The following MEMO1 variants were observed in gnomAD, a reference collection of about 807,000 sequenced individuals.
The protein encoded by MEMO1 is protein MEMO1.
Under a neutral mutation model 45.2 loss-of-function variants are expected in MEMO1, and 6 were observed. The ratio of observed to expected loss-of-function variants is 0.13; its 90% confidence interval spans 0.07 to 0.26. The LOEUF (loss-of-function observed/expected upper bound fraction) is 0.26, where lower values mean the gene tolerates loss of function less well. Among genes scored for constraint, MEMO1 ranks in the 10% least tolerant of loss-of-function variants. MEMO1 has a pLI of 1.00. For synonymous variants in MEMO1, 78 were observed against 124.3 expected, an observed-to-expected ratio of 0.63 and a Z score of 2.48; for missense variants, 184 against 370.5, an observed-to-expected ratio of 0.50 and a Z score of 4.13.
chr2:31,920,515 T>A (rs549114676), intron 5 of MEMO1, among the ~76,000 whole-genome samples: 170 of 152,312 alleles, frequency 1.1e-3, no homozygotes, highest in Non-Finnish European at 1.6e-3. Context: ...TTTTGTCTCC[T>A]GGTACACTGA....
chr2:31,897,874 T>A (rs867393035), intron 6 of MEMO1, among the ~76,000 whole-genome samples: 12 of 152,004 alleles, frequency 7.9e-5, no homozygotes, highest in Admixed American at 2.6e-4. Context: ...AGGCTATTAA[T>A]TACTCCCTCA....
chr2:31,930,446 C>G (rs1664006419), intron 4 of MEMO1, among the ~76,000 whole-genome samples: 1 of 152,092 alleles, frequency 6.6e-6, no homozygotes, highest in Non-Finnish European at 1.5e-5. Flanking sequence ...CTTTCCACTT[C>G]TATGAACATA....
At chr2:31,934,195 C>G (rs1273001748) in intron 3 of MEMO1, among the ~76,000 whole-genome samples, 1 of 152,160 alleles carries the variant, frequency 6.6e-6, no homozygotes, top group East Asian at 1.9e-4. Context: ...CCTTCACTTC[C>G]TAATCCTTAC....
At chr2:31,998,787 G>A (rs1470518647) in intron 2 of MEMO1, among the ~76,000 whole-genome samples, 1 of 150,232 alleles carries the variant, frequency 6.7e-6, no homozygotes, top group African/African-American at 2.5e-5. Context: ...GAGACAATGT[G>A]AGACTCCGTC....
chr2:31,912,849 A>G (rs919586481), intron 6 of MEMO1, among the ~76,000 whole-genome samples: 1 of 152,222 alleles, frequency 6.6e-6, no homozygotes, highest in Non-Finnish European at 1.5e-5. Context: ...GACTCTATTT[A>G]CATTTTCTAA....
intron 2 of MEMO1, among the ~76,000 whole-genome samples, chr2:31,986,397 G>A (rs369198462): frequency 5.3e-5 from 8 of 152,208 alleles, no homozygotes; most frequent in East Asian, 1.9e-4. Context: ...GCATGAACCC[G>A]GAAGGCGGAG....
At chr2:31,973,553 A>G (rs1183863505) in intron 2 of MEMO1, among the ~76,000 whole-genome samples, 6 of 152,210 alleles carry the variant, frequency 3.9e-5, no homozygotes, top group African/African-American at 1.4e-4. Context: ...CAAAAGGTGG[A>G]ACAGTCTTTT....
intron 2 of MEMO1, among the ~76,000 whole-genome samples, chr2:31,955,145 G>T (rs1211402793): frequency 6.6e-6 from 1 of 151,814 alleles, no homozygotes; most frequent in Non-Finnish European, 1.5e-5. Context: ...GCTGAGGCAG[G>T]AAGATCGCTT....
chr2:31,974,371 C>T (rs970454511), intron 2 of MEMO1, among the ~76,000 whole-genome samples: 1 of 152,140 alleles, frequency 6.6e-6, no homozygotes, highest in African/African-American at 2.4e-5. Flanking sequence ...AGGTACTTAT[C>T]CCTGACAAGA....
intron 8 of MEMO1, among the ~76,000 whole-genome samples, chr2:31,870,995 C>A (rs1463347330): frequency 6.6e-6 from 1 of 152,196 alleles, no homozygotes; most frequent in Non-Finnish European, 1.5e-5. Flanking sequence ...ATTTGTTAGA[C>A]TATTGTTAAA....
chr2:31,933,233 T>C (rs1334380211), intron 3 of MEMO1, among the ~76,000 whole-genome samples: 1 of 144,986 alleles, frequency 6.9e-6, no homozygotes, highest in Non-Finnish European at 1.5e-5. Context: ...GGCAGGAGGA[T>C]TGCTTAAGCC....
chr2:31,872,045 A>ACACACACACACACACACACACAC (rs1553355618), intron 8 of MEMO1, among the ~76,000 whole-genome samples: 1 of 151,816 alleles, frequency 6.6e-6, no homozygotes, highest in Admixed American at 6.6e-5. Flanking sequence ...ACACACACAC[A>ACACACACACACACACACACACAC]AAGTTAAACC....
rs1314118856 is a variant in MEMO1, at chr2:31,969,576, TGTGTGTGTGG to T, written c.62-26203_62-26194del. On this transcript the variant is annotated intron_variant, in intron 2 of 9. Coordinates refer to ENST00000404530, the MANE Select transcript of MEMO1 (RefSeq NM_001301833.4). The stretch of plus-strand genomic sequence containing the variant: ...ATACTTTCTAAATCTTTTCTGGGGG[TGTGTGTGTGG>T]GTGTGTGTGTGTGTGTGTGTGTGTG... Among the ~76,000 whole-genome samples the T allele has an allele frequency of 3.2e-3, 334 of 103,716 alleles. 2 individuals are homozygous for T. Among genetic ancestry groups the T allele is most frequent in the African/African-American group, 0.011 (277 of 25,874 alleles). 68.0% of individuals were successfully genotyped at this position (103,716 alleles called of 152,430 possible). A position where few individuals can be genotyped will look rare whatever the true frequency, so the allele number is the denominator to read the frequency against.
intron 3 of MEMO1, among the ~76,000 whole-genome samples, chr2:31,938,931 C>G (rs1014297468): frequency 6.6e-6 from 1 of 151,488 alleles, no homozygotes; most frequent in Non-Finnish European, 1.5e-5. Context: ...GGGCTGCAGG[C>G]TCATGCCACC....
At chr2:31,962,335 A>T (rs1668102608) in intron 2 of MEMO1, among the ~76,000 whole-genome samples, 1 of 152,116 alleles carries the variant, frequency 6.6e-6, no homozygotes, top group Non-Finnish European at 1.5e-5. Context: ...GGCTGCAGTG[A>T]GCCAAGATCA....
At chr2:31,999,092 T>C (rs1284055965) in intron 2 of MEMO1, among the ~76,000 whole-genome samples, 2 of 152,172 alleles carry the variant, frequency 1.3e-5, no homozygotes, top group Non-Finnish European at 2.9e-5. Flanking sequence ...TTCAAGTATG[T>C]CAGCAAATCC....
chr2:31,869,105 A>G (rs1321173459), intron 9 of MEMO1, among the ~76,000 whole-genome samples: 1 of 152,140 alleles, frequency 6.6e-6, no homozygotes, highest in African/African-American at 2.4e-5. Context: ...TTAAAAACCC[A>G]CAATATATTA....
chr2:31,933,348 A>AAAAAAAAAATATATATATAT (rs1558514269), intron 3 of MEMO1, among the ~76,000 whole-genome samples: 1 of 16,186 alleles, frequency 6.2e-5, no homozygotes, highest in Non-Finnish European at 1.0e-4. Context: ...AAAAAAAAAA[A>AAAAAAAAAATATATATATAT]ATTTATATAT....
chr2:31,954,060 T>C (rs954312347), intron 2 of MEMO1, among the ~76,000 whole-genome samples: 14 of 152,326 alleles, frequency 9.2e-5, no homozygotes, highest in East Asian at 7.7e-4. Context: ...GGGACACATA[T>C]AGCCACATGA....
Sources: gnomAD v4.1 joint callset for allele counts (sites outside exome capture counted in the v4.1 genomes callset) on GRCh38, gnomAD v4.1.1 for gene constraint, MANE v1.5 for transcripts, NCBI Gene and HGNC (gene_info 2026-07-23, HGNC 2026-07-21) for gene names.